Variants in NCOR2 observed in about 807,000 individuals in gnomAD.
NCOR2 encodes CTG repeat protein 26.
In NCOR2, 81 loss-of-function variants were observed where a neutral mutation model predicts 262.9. The ratio of observed to expected loss-of-function variants is 0.31; its 90% CI spans 0.26 to 0.37. The LOEUF (loss-of-function observed/expected upper bound fraction) is 0.37. Ranked by LOEUF, NCOR2 falls within the 10% of genes least tolerant of loss-of-function variation. The pLI is 1.00. For missense variants in NCOR2, 3,385 were observed against 3,621.4 expected (o/e 0.93, Z 1.68); for synonymous variants, 1,659 against 1,559.3 (o/e 1.06, Z -1.51).
intron 8 of NCOR2, among the ~76,000 whole-genome samples, chr12:124,437,334 C>T (rs1345458893): frequency 6.6e-6 from 1 of 152,214 alleles, no homozygotes; most frequent in Admixed American, 6.5e-5. Context: ...ACCACCACCA[C>T]ATGCCTCTGG....
chr12:124,481,762 T>C lies in NCOR2; in HGVS notation c.411+1834A>G, dbSNP rs931383707. ...TTTTTCCTGCTTGAGACAGGAGCCA[T>C]GGATGGTTTGGAGCACAGGGGGGAA... On this transcript the variant is annotated intron_variant, in intron 3 of 46. Transcript: ENST00000405201. This position sits in a 1 kb window ranked among gnomAD's most constrained non-coding sequence, Gnocchi z 4.6. Among the ~76,000 whole-genome samples the C allele has an allele frequency of 2.6e-5, 4 of 151,832 alleles. No homozygotes were observed. Among genetic ancestry groups the C allele is most frequent in the African/African-American group, 2.4e-5 (1 of 41,330 alleles).
intron 30 of NCOR2, chr12:124,347,475 A>C (rs1305594429): frequency 1.9e-5 from 5 of 261,306 alleles, no homozygotes; most frequent in Non-Finnish European, 2.9e-5. Flanking sequence ...AACCTGAAAG[A>C]GTTCTCGGAG....
At chr12:124,391,060 G>A (rs1333854583) in intron 16 of NCOR2, among the ~76,000 whole-genome samples, 1 of 152,228 alleles carries the variant, frequency 6.6e-6, no homozygotes, top group Admixed American at 6.5e-5. Context: ...TCTTGTGGGG[G>A]CCAGGACTCA....
intron 15 of NCOR2, 101 bp from the exon 18 acceptor site, chr12:124,398,282 C>A: frequency 1.5e-6 from 2 of 1,308,134 alleles, no homozygotes; most frequent in Non-Finnish European, 2.2e-6. Flanking sequence ...TAGACCAGGC[C>A]TTGACGGTGT....
chr12:124,436,387 G>A (rs769751457), intron 8 of NCOR2, among the ~76,000 whole-genome samples: 3 of 152,140 alleles, frequency 2.0e-5, no homozygotes, highest in Non-Finnish European at 2.9e-5. Flanking sequence ...TATGAGGGGA[G>A]CCCCTCCAGC....
In NCOR2 at chr12:124,517,691, C is replaced by T. The variant is rs1412635397; in HGVS notation, c.-118+17874G>A. Among the ~76,000 whole-genome samples, 1 of 152,246 alleles carries T rather than the reference C, an allele frequency of 6.6e-6. No homozygotes were observed. The highest frequency in any genetic ancestry group is 1.5e-5 in the Non-Finnish European group (1 of 68,034). ...CCCCCAAGGCTCGCCATGCTCCCCC[C>T]CAGGGACGCCGGATGTGCACCAAGG... On this transcript the variant is annotated intron_variant, in intron 1 of 46. Coordinates refer to the NCOR2 transcript ENST00000404621. The surrounding 1 kb of genome is among the most constrained non-coding windows in gnomAD (Gnocchi z 7.6).
At chr12:124,495,517 C>A, upstream of NCOR2, 1 of 519,056 alleles carries the variant, frequency 1.9e-6, no homozygotes, top group Non-Finnish European at 3.3e-6. The surrounding 1 kb of genome is among the most constrained non-coding windows in gnomAD (Gnocchi z 4.4). Context: ...CTGCCACACT[C>A]ACCTGTTCTC....
At chr12:124,475,378 A>T (rs2047053913) in intron 3 of NCOR2, among the ~76,000 whole-genome samples, 1 of 152,200 alleles carries the variant, frequency 6.6e-6, no homozygotes, top group Non-Finnish European at 1.5e-5. Context: ...ATCCCACAAC[A>T]GCCCTCCGAG....
Position 124,440,669 on chromosome 12 carries a change from A to G in NCOR2, c.816-2673T>C, listed in dbSNP as rs2044753743. ...GCAAGACACAGTTGAGGGCTCTCACAGAGGTGACACTGACAATAAGCAAGA... is the reference window on the plus strand; with the variant it reads ...GCAAGACACAGTTGAGGGCTCTCACGGAGGTGACACTGACAATAAGCAAGA... On this transcript the variant is annotated intron_variant, in intron 7 of 46. Transcript: ENST00000405201. The surrounding 1 kb of genome is among the most constrained non-coding windows in gnomAD (Gnocchi z 5.7). Among the ~76,000 whole-genome samples the G allele has an allele frequency of 6.6e-6, 1 of 152,220 alleles. No individual in the cohort carries two copies.
At chr12:124,562,990 A>G (rs1317858136) in intron 1 of NCOR2, among the ~76,000 whole-genome samples, 1 of 152,204 alleles carries the variant, frequency 6.6e-6, no homozygotes, top group Non-Finnish European at 1.5e-5. Context: ...GAGCAAACTG[A>G]GGCTCACAAT....
At position 124,449,610 on chromosome 12, in the gene NCOR2, C is replaced by T. The variant is rs137971759; in HGVS notation, c.815+205G>A. 8.2e-3 allele frequency among the ~76,000 whole-genome samples: 1,206 copies of T among 147,158 alleles called. 15 individuals are homozygous for T. The highest frequency in any genetic ancestry group is 0.028 in the African/African-American group (1,121 of 40,718). ...CCCAAACCCAGCCTGTCTCCCAAAACCTCAGGGGGACACTCTCTCTGCTCC... is the reference window on the plus strand; with the variant it reads ...CCCAAACCCAGCCTGTCTCCCAAAATCTCAGGGGGACACTCTCTCTGCTCC... On this transcript the variant is annotated intron_variant, in intron 7 of 46. Transcript: ENST00000405201.
Position 124,483,266 on chromosome 12 carries a change from G to A in NCOR2, c.411+330C>T, listed in dbSNP as rs1227127975. On this transcript the variant is annotated intron_variant, in intron 3 of 46. Coordinates refer to ENST00000405201, the Ensembl canonical transcript of NCOR2. This position sits in a 1 kb window ranked among gnomAD's most constrained non-coding sequence, Gnocchi z 6.3. ...ATCGAATGGCAGCTCTCTGCTCCACGGCACCCCAGGCCCTCCCATCCCAGC... is the reference window on the plus strand; with the variant it reads ...ATCGAATGGCAGCTCTCTGCTCCACAGCACCCCAGGCCCTCCCATCCCAGC... 4.6e-5 allele frequency among the ~76,000 whole-genome samples: 7 copies of A among 151,824 alleles called. No individual in the cohort carries two copies. The highest frequency in any genetic ancestry group is 7.3e-5 in the African/African-American group (3 of 41,308).
intron 39 of NCOR2, 83 bp downstream of exon 41, chr12:124,335,398 CCT>C (rs2035791092): frequency 4.6e-6 from 7 of 1,523,706 alleles, no homozygotes; most frequent in Non-Finnish European, 4.4e-6. Flanking sequence ...CCTTTAGGCA[CCT>C]CTGTTTTCCT....
exon 33 of NCOR2, chr12:124,343,090 G>A (rs746963894): frequency 7.4e-6 from 12 of 1,612,276 alleles, no homozygotes; most frequent in African/African-American, 6.7e-5. Flanking sequence ...CGCCACTCAC[G>A]CCCCGAAGCA....
intron 25 of NCOR2, 93 bp downstream of exon 27, chr12:124,354,744 C>T (rs944696425): frequency 1.3e-5 from 18 of 1,361,178 alleles, no homozygotes; most frequent in African/African-American, 7.3e-5. Flanking sequence ...CCTGGAGTAC[C>T]GTGGGCCAAG....
In NCOR2 at chr12:124,549,293, G is replaced by A. The variant is rs11057667; in HGVS notation, c.-164-13682C>T. On this transcript the variant is annotated intron_variant, in intron 1 of 32. Coordinates refer to the NCOR2 transcript ENST00000458234. This position sits in a 1 kb window ranked among gnomAD's most constrained non-coding sequence, Gnocchi z 4.4. ...GGCTGGCGGTGGGAGGGGCAGGGCC[G>A]CGGCTGGAGGATAAAATCCCACACT... is the stretch of plus-strand genomic sequence containing the variant. Among the ~76,000 whole-genome samples the A allele has an allele frequency of 0.047, 7,190 of 151,646 alleles. 250 individuals carry two copies. Among genetic ancestry groups the A allele is most frequent in the Middle Eastern group, 0.086 (25 of 292 alleles).
At chr12:124,463,949 C>T (rs573823638) in intron 5 of NCOR2, among the ~76,000 whole-genome samples, 4 of 151,722 alleles carry the variant, frequency 2.6e-5, no homozygotes, top group African/African-American at 7.3e-5. Flanking sequence ...GTGCATCTGC[C>T]GTGTGGTGAG....
At chr12:124,490,408 A>ATG (rs2048017363) in intron 1 of NCOR2, among the ~76,000 whole-genome samples, 16 of 126,364 alleles carry the variant, frequency 1.3e-4, no homozygotes, top group East Asian at 3.7e-4. Flanking sequence ...AGTATTTGCC[A>ATG]GATGGATGGA....
Position 124,526,359 on chromosome 12 carries a change from C to T in NCOR2, c.-118+9206G>A, listed in dbSNP as rs146169450. On this transcript the variant is annotated intron_variant, in intron 1 of 46. Transcript: ENST00000404621. ...ACGGCCCAGCAACGCAGGCCCTGTC[C>T]GGCTGCACAAGTACACCCTGTAAAG... Among the ~76,000 whole-genome samples the T allele has an allele frequency of 8.5e-5, 13 of 152,346 alleles. No homozygotes were observed. The East Asian group carries it at 2.1e-3, about 25-fold the overall frequency.
Sources: allele counts gnomAD v4.1 joint callset (sites outside exome capture counted in the v4.1 genomes callset), GRCh38; gene constraint gnomAD v4.1.1; non-coding constraint Gnocchi (gnomAD v3.1); transcripts MANE v1.5; gene names NCBI Gene and HGNC (gene_info 2026-07-23, HGNC 2026-07-21).